SLC13A5: variants seen among roughly 807,000 people sequenced by gnomAD.
SLC13A5 encodes the protein Na(+)/citrate cotransporter.
Under a neutral mutation model 56.5 loss-of-function variants are expected in SLC13A5, and 25 were observed. The observed-to-expected ratio is 0.44, with a 90% confidence interval of 0.32 to 0.62. The LOEUF (loss-of-function observed/expected upper bound fraction) is 0.62. Among genes scored for constraint, SLC13A5 ranks in the 20% least tolerant of loss-of-function variants. SLC13A5 has a pLI of 0.04. For synonymous variants in SLC13A5, 307 were observed against 301.5 expected, an observed-to-expected ratio of 1.02 and a Z score of -0.19; for missense variants, 649 against 737.8, an observed-to-expected ratio of 0.88 and a Z score of 1.39.
intron 1 of SLC13A5, among the ~76,000 whole-genome samples, chr17:6,712,763 A>G (rs1363956384): frequency 2.0e-5 from 3 of 152,202 alleles, no homozygotes; most frequent in African/African-American, 7.2e-5. Flanking sequence ...GTCCCTCCTG[A>G]CGGCAGAAGC....
At chr17:6,690,169 C>A (rs1440743347) in intron 10 of SLC13A5, 1 of 141,548 alleles carries the variant, frequency 7.1e-6, no homozygotes, top group Non-Finnish European at 1.5e-5. Flanking sequence ...GTCCATAGAA[C>A]AGAATGCCTT....
At chr17:6,708,993 C>CTTTTTTCT (rs1555543651) in intron 1 of SLC13A5, among the ~76,000 whole-genome samples, 1 of 133,036 alleles carries the variant, frequency 7.5e-6, no homozygotes, top group Non-Finnish European at 1.6e-5. Flanking sequence ...TCTTTTATTT[C>CTTTTTTCT]TTTTTTTTTT....
At chr17:6,698,967 C>T (rs1293670189) in intron 6 of SLC13A5, among the ~76,000 whole-genome samples, 5 of 151,382 alleles carry the variant, frequency 3.3e-5, no homozygotes, top group African/African-American at 9.7e-5. Flanking sequence ...TGCTTGAACC[C>T]AGGTGGTGGA....
intron 8 of SLC13A5, among the ~76,000 whole-genome samples, chr17:6,693,887 T>C (rs562317332): frequency 2.6e-5 from 4 of 152,356 alleles, no homozygotes; most frequent in African/African-American, 9.6e-5. Context: ...AAATTTCAAA[T>C]GTTAAATTCA....
At chr17:6,704,245 T>C in intron 3 of SLC13A5, 189 bp from the exon 4 acceptor site, 1 of 708,274 alleles carries the variant, frequency 1.4e-6, no homozygotes. Context: ...CTTCTTTGCT[T>C]CCTCCATTCC....
intron 3 of SLC13A5, chr17:6,704,468 C>T (rs1254135896): frequency 2.9e-6 from 1 of 340,092 alleles, no homozygotes; most frequent in African/African-American, 2.1e-5. Context: ...GCCCCAGCTT[C>T]CCACTTCTGG....
In SLC13A5 at chr17:6,685,176, A is replaced by G. The variant is rs546758468; in HGVS notation, c.*1031T>C. Reference sequence around the variant, plus strand: ...TCAACAAAGGGAAGATTTTACCCAGAGGAGCTCAAACGCTGGCATGAAAGA... The same window carrying G: ...TCAACAAAGGGAAGATTTTACCCAGGGGAGCTCAAACGCTGGCATGAAAGA... On this transcript the variant is annotated 3_prime_UTR_variant, in exon 12 of 12. Coordinates refer to ENST00000433363, the MANE Select transcript of SLC13A5 (RefSeq NM_177550.5). This position sits in a 1 kb window ranked among gnomAD's most constrained non-coding sequence, Gnocchi z 4.2. The G allele has an allele frequency of 5.0e-4, 76 of 152,416 alleles. No individual in the cohort carries two copies. The highest frequency in any genetic ancestry group is 1.8e-3 in the African/African-American group (75 of 41,590). The allele number at this position is 152,416 out of a possible 1,614,324, so 9.4% of individuals were successfully genotyped here. A position where few individuals can be genotyped will look rare whatever the true frequency, so the allele number is the denominator to read the frequency against.
intron 6 of SLC13A5, among the ~76,000 whole-genome samples, chr17:6,699,865 A>G (rs902557523): frequency 3.9e-5 from 6 of 152,184 alleles, no homozygotes; most frequent in African/African-American, 1.4e-4. Flanking sequence ...CTCGGCCTCC[A>G]AAAATGTTGG....
chr17:6,712,199 C>T (rs1974058581), intron 1 of SLC13A5, among the ~76,000 whole-genome samples: 1 of 152,222 alleles, frequency 6.6e-6, no homozygotes. Context: ...AGTGCACTCC[C>T]TTCCTCTAGA....
chr17:6,696,382 A>G (rs1004423122), intron 6 of SLC13A5, among the ~76,000 whole-genome samples: 2 of 152,160 alleles, frequency 1.3e-5, no homozygotes, highest in South Asian at 2.1e-4. Context: ...GTGAGTATGA[A>G]CCCTGGCAGA....
In SLC13A5 at chr17:6,701,623, T is replaced by A. The variant is rs1317712113; in HGVS notation, c.717-497A>T. On this transcript the variant is annotated intron_variant, in intron 5 of 11. Coordinates refer to ENST00000433363, the MANE Select transcript of SLC13A5 (RefSeq NM_177550.5). This position sits in a 1 kb window ranked among gnomAD's most constrained non-coding sequence, Gnocchi z 4.1. ...TAATAGGGAGGCTGAAGCGGGAGAATCGCTTGAACCCAGGAGGCAGAGGTT... is the reference window on the plus strand; with the variant it reads ...TAATAGGGAGGCTGAAGCGGGAGAAACGCTTGAACCCAGGAGGCAGAGGTT... Among the ~76,000 whole-genome samples the A allele has an allele frequency of 6.6e-6, 1 of 152,050 alleles. No individual in the cohort carries two copies. The highest frequency in any genetic ancestry group is 2.4e-5 in the African/African-American group (1 of 41,400).
chr17:6,712,326 G>A (rs1232285087), intron 1 of SLC13A5, among the ~76,000 whole-genome samples: 1 of 152,210 alleles, frequency 6.6e-6, no homozygotes, highest in Non-Finnish European at 1.5e-5. Flanking sequence ...CTGAAAGAAG[G>A]AACGAGGAAG....
intron 1 of SLC13A5, 139 bp from the exon 2 acceptor site, chr17:6,707,295 C>T (rs1209781389): frequency 3.4e-6 from 4 of 1,193,338 alleles, no homozygotes; most frequent in Non-Finnish European, 4.6e-6. Context: ...CATCTTGTTC[C>T]CCAGCCCTGG....
intron 10 of SLC13A5, chr17:6,690,081 A>C (rs982947025): frequency 6.0e-5 from 8 of 132,748 alleles, no homozygotes; most frequent in African/African-American, 2.2e-4. Flanking sequence ...AAAAAAAAAA[A>C]AAAAAAAAAA....
In SLC13A5 at chr17:6,687,831, G is replaced by A. The variant is rs1005486946; in HGVS notation, c.1438-165C>T. 8.4e-6 allele frequency: 7 copies of A among 835,152 alleles called. No homozygotes were observed. The highest frequency in any genetic ancestry group is 3.8e-5 in the Admixed American group (1 of 26,058). The allele number at this position is 835,152 out of a possible 1,614,324, so 51.7% of individuals were successfully genotyped here. ...GTCTCTGGCAGATAATTCCACCTACGGAACACTGAAGGCTGAGGTCAGAGG... is the reference window on the plus strand; with the variant it reads ...GTCTCTGGCAGATAATTCCACCTACAGAACACTGAAGGCTGAGGTCAGAGG... On this transcript the variant is annotated intron_variant, in intron 10 of 11. Transcript: ENST00000433363. This position sits in a 1 kb window ranked among gnomAD's most constrained non-coding sequence, Gnocchi z 5.0.
In SLC13A5 at chr17:6,703,781, G is replaced by C. The variant is rs568334993; in HGVS notation, c.547+97C>G. 32 of 1,317,944 alleles carry C rather than the reference G, an allele frequency of 2.4e-5. 2 individuals carry two copies. The South Asian group carries it at 5.2e-4, about 21-fold the overall frequency. The allele number at this position is 1,317,944 out of a possible 1,614,324, so 81.6% of individuals were successfully genotyped here. A position where few individuals can be genotyped will look rare whatever the true frequency, so the allele number is the denominator to read the frequency against. ...ATGCGTGTTTAAAGGAGGGCTCCGG[G>C]AAGCAGACAGGGAGAAGGAGGTGGC... On this transcript the variant is annotated intron_variant, in intron 4 of 11. Transcript: ENST00000433363.
At chr17:6,693,677 G>C (rs1224615379) in intron 8 of SLC13A5, 2 of 159,336 alleles carry the variant, frequency 1.3e-5, no homozygotes, top group Non-Finnish European at 2.7e-5. Context: ...AGTGGGAAAT[G>C]TTTATAGTGT....
intron 3 of SLC13A5, chr17:6,704,434 C>T: frequency 1.1e-5 from 4 of 369,038 alleles, no homozygotes; most frequent in South Asian, 8.2e-5. Context: ...CTAGGGTGTG[C>T]TGGAATACCC....
At chr17:6,712,930 A>C (rs1447711184) in intron 1 of SLC13A5, among the ~76,000 whole-genome samples, 1 of 152,208 alleles carries the variant, frequency 6.6e-6, no homozygotes, top group African/African-American at 2.4e-5. Flanking sequence ...GGCTGAGCCT[A>C]AGGCTGGGAT....
Sources: allele counts gnomAD v4.1 joint callset (sites outside exome capture counted in the v4.1 genomes callset), GRCh38; gene constraint gnomAD v4.1.1; non-coding constraint Gnocchi (gnomAD v3.1); transcripts MANE v1.5; gene names NCBI Gene and HGNC (gene_info 2026-07-23, HGNC 2026-07-21).